CTCF: variants seen among roughly 807,000 people sequenced by gnomAD.
CTCF encodes the protein CCCTC-binding factor.
Under a neutral mutation model 72.3 loss-of-function variants are expected in CTCF, and 7 were observed. That is an observed-to-expected ratio of 0.10 (90% CI 0.06 to 0.18). The LOEUF (loss-of-function observed/expected upper bound fraction) is 0.18. Among genes scored for constraint, CTCF ranks in the 10% least tolerant of loss-of-function variants. The pLI is 1.00. For missense variants in CTCF, 516 were observed against 949.1 expected, an observed-to-expected ratio of 0.54 and a Z score of 6.00; for synonymous variants, 374 against 315.8, an observed-to-expected ratio of 1.18 and a Z score of -1.95.
At chr16:67,601,086 C>T (rs1455619210) in intron 2 of CTCF, among the ~76,000 whole-genome samples, 1 of 151,988 alleles carries the variant, frequency 6.6e-6, no homozygotes, top group Non-Finnish European at 1.5e-5. Context: ...CAGCTAGAAG[C>T]GCAGTCCCCA....
chr16:67,631,954 G>A (rs1050682238), intron 10 of CTCF, among the ~76,000 whole-genome samples: 9 of 151,390 alleles, frequency 5.9e-5, no homozygotes, highest in Non-Finnish European at 8.8e-5. Context: ...CTGCGCCTGC[G>A]GTCCCAGCTA....
At chr16:67,610,394 C>G (rs903780318) in intron 2 of CTCF, among the ~76,000 whole-genome samples, 1 of 149,316 alleles carries the variant, frequency 6.7e-6, no homozygotes, top group Non-Finnish European at 1.5e-5. Flanking sequence ...GCTCTGTCCC[C>G]CACGCTGGAG....
At chr16:67,580,975 C>A (rs1012963543) in intron 2 of CTCF, among the ~76,000 whole-genome samples, 1 of 151,904 alleles carries the variant, frequency 6.6e-6, no homozygotes, top group Non-Finnish European at 1.5e-5. Context: ...TTCGCCCACG[C>A]GGGAGTGCAG....
intron 9 of CTCF, among the ~76,000 whole-genome samples, chr16:67,629,106 C>T (rs963185556): frequency 1.3e-5 from 2 of 151,846 alleles, no homozygotes; most frequent in Admixed American, 1.3e-4. Flanking sequence ...CCACCCTACC[C>T]CACCCTTAGC....
chr16:67,599,985 CAG>C (rs1491486410), intron 2 of CTCF, among the ~76,000 whole-genome samples: 1 of 152,090 alleles, frequency 6.6e-6, no homozygotes, highest in African/African-American at 2.4e-5. Context: ...TTGGTGTGCT[CAG>C]GGGGGCTGGT....
chr16:67,638,055 T>G lies in CTCF; in HGVS notation c.*183T>G. On this transcript the variant is annotated 3_prime_UTR_variant, in exon 12 of 12. Coordinates refer to ENST00000264010, the MANE Select transcript of CTCF (RefSeq NM_006565.4). The stretch of plus-strand genomic sequence containing the variant: ...TGTGATTTAACTAGAACTTGCTGTC[T>G]GATGTTAGCAAATCATGGAATGTTC... The G allele has an allele frequency of 1.7e-6, 1 of 582,436 alleles. No individual in the cohort carries two copies. Among genetic ancestry groups the G allele is most frequent in the Non-Finnish European group, 3.0e-6 (1 of 334,636 alleles). 36.1% of individuals were successfully genotyped at this position (582,436 alleles called of 1,614,324 possible).
intron 2 of CTCF, among the ~76,000 whole-genome samples, chr16:67,608,757 A>G (rs2052013183): frequency 6.6e-6 from 1 of 150,634 alleles, no homozygotes; most frequent in African/African-American, 2.5e-5. Flanking sequence ...CTTTTTTGAG[A>G]CGGAGTTTCG....
At chr16:67,590,558 C>G (rs1278882884) in intron 2 of CTCF, among the ~76,000 whole-genome samples, 1 of 151,816 alleles carries the variant, frequency 6.6e-6, no homozygotes, top group Non-Finnish European at 1.5e-5. Context: ...AGGATGGTCT[C>G]GATCTCCTGA....
At chr16:67,597,277 C>T (rs887255031) in intron 2 of CTCF, among the ~76,000 whole-genome samples, 1 of 152,032 alleles carries the variant, frequency 6.6e-6, no homozygotes, top group African/African-American at 2.4e-5. Flanking sequence ...CTCAAGCGAT[C>T]TGCTGGCCTT....
intron 2 of CTCF, among the ~76,000 whole-genome samples, chr16:67,607,855 T>TA (rs2051997535): frequency 1.3e-5 from 2 of 149,362 alleles, no homozygotes; most frequent in African/African-American, 4.9e-5. Flanking sequence ...CCGTATCTGC[T>TA]AAAAATACAG....
chr16:67,574,963 A>G (rs1402415202), intron 2 of CTCF, among the ~76,000 whole-genome samples: 2 of 152,138 alleles, frequency 1.3e-5, no homozygotes, highest in Admixed American at 6.6e-5. Context: ...AGCCAAAAGC[A>G]TCTATTCTTA....
intron 2 of CTCF, among the ~76,000 whole-genome samples, chr16:67,603,824 C>CAAA (rs35360126): frequency 2.1e-5 from 2 of 93,070 alleles, no homozygotes; most frequent in Non-Finnish European, 2.3e-5. Context: ...GACTCTGTCT[C>CAAA]AAAAAAAAAA....
intron 10 of CTCF, among the ~76,000 whole-genome samples, chr16:67,631,178 T>TG (rs1035699328): frequency 6.7e-6 from 1 of 149,968 alleles, no homozygotes; most frequent in Non-Finnish European, 1.5e-5. Flanking sequence ...TTTTGTTTTT[T>TG]TTTTGAGACA....
At chr16:67,624,135 G>GTA (rs779918936) in intron 7 of CTCF, among the ~76,000 whole-genome samples, 22 of 136,936 alleles carry the variant, frequency 1.6e-4, no homozygotes, top group African/African-American at 6.1e-4. Flanking sequence ...GTATATATAT[G>GTA]TGTGTGTGTG....
chr16:67,639,091 C>A lies in CTCF; in HGVS notation c.*1219C>A. On this transcript the variant is annotated 3_prime_UTR_variant, in exon 12 of 12. Coordinates refer to ENST00000264010, the MANE Select transcript of CTCF (RefSeq NM_006565.4). ...TTATTTTAGGACGCCAACATGAGACCTGTAATAAAATATGTAATGGGGTTG... is the reference window on the plus strand; with the variant it reads ...TTATTTTAGGACGCCAACATGAGACATGTAATAAAATATGTAATGGGGTTG... The A allele has an allele frequency of 5.0e-6, 1 of 200,220 alleles. No individual in the cohort carries two copies. The highest frequency in any genetic ancestry group is 1.0e-5 in the Non-Finnish European group (1 of 96,844). 12.4% of individuals were successfully genotyped at this position (200,220 alleles called of 1,614,324 possible). A position where few individuals can be genotyped will look rare whatever the true frequency, so the allele number is the denominator to read the frequency against.
At chr16:67,619,391 G>A (rs558406739) in intron 5 of CTCF, among the ~76,000 whole-genome samples, 2 of 152,070 alleles carry the variant, frequency 1.3e-5, no homozygotes, top group Middle Eastern at 3.2e-3. Context: ...ACCCACAATC[G>A]TGACAGTGTA....
chr16:67,579,369 T>A (rs574452721), intron 2 of CTCF, among the ~76,000 whole-genome samples: 2 of 152,146 alleles, frequency 1.3e-5, no homozygotes, highest in East Asian at 1.9e-4. Context: ...GTTTTTTTTT[T>A]ATTTGAGACG....
intron 2 of CTCF, among the ~76,000 whole-genome samples, chr16:67,586,506 A>G (rs1005943803): frequency 2.7e-5 from 4 of 150,578 alleles, no homozygotes; most frequent in Admixed American, 1.3e-4. Flanking sequence ...ACTGCACTCC[A>G]GCCTGGGCGA....
intron 1 of CTCF, among the ~76,000 whole-genome samples, chr16:67,566,562 T>C (rs1382135701): frequency 6.6e-6 from 1 of 150,898 alleles, no homozygotes; most frequent in Non-Finnish European, 1.5e-5. Context: ...CCACATTTGT[T>C]TTGTTGTTCT....
Sources: gnomAD v4.1 joint callset for allele counts (sites outside exome capture counted in the v4.1 genomes callset) on GRCh38, gnomAD v4.1.1 for gene constraint, MANE v1.5 for transcripts, NCBI Gene and HGNC (gene_info 2026-07-23, HGNC 2026-07-21) for gene names.